Variants in SOX5 observed in about 807,000 individuals in gnomAD.
SOX5 encodes the protein transcription factor SOX-5.
A neutral mutation model predicts 92.0 loss-of-function variants in SOX5; 9 were observed. The observed-to-expected ratio is 0.10, with a 90% CI of 0.06 to 0.17. The LOEUF is 0.17. SOX5 is among the 10% of genes least tolerant of loss of function. The pLI, the probability that SOX5 is intolerant of heterozygous loss-of-function variation, is 1.00. For missense variants in SOX5, 642 were observed against 944.5 expected (o/e 0.68, Z 4.20); for synonymous variants, 344 against 336.3 (o/e 1.02, Z -0.25).
intron 9 of SOX5, among the ~76,000 whole-genome samples, chr12:23,596,379 C>T (rs1952451211): frequency 6.6e-6 from 1 of 152,144 alleles, no homozygotes; most frequent in Non-Finnish European, 1.5e-5. Flanking sequence ...TAATTGTTGT[C>T]ATTTTACAAA....
intron 1 of SOX5, among the ~76,000 whole-genome samples, chr12:23,900,363 A>G (rs1224695064): frequency 6.6e-6 from 1 of 152,128 alleles, no homozygotes; most frequent in Non-Finnish European, 1.5e-5. Flanking sequence ...GTCTTTTGCT[A>G]TTGGCTGAAG....
intron 1 of SOX5, among the ~76,000 whole-genome samples, chr12:24,554,323 G>C (rs1386559294): frequency 6.6e-6 from 1 of 152,176 alleles, no homozygotes; most frequent in African/African-American, 2.4e-5. Context: ...TTTAGTGAGA[G>C]GTGCCATCTA....
intron 6 of SOX5, among the ~76,000 whole-genome samples, chr12:23,682,155 T>C (rs944776060): frequency 2.0e-5 from 3 of 151,774 alleles, no homozygotes; most frequent in African/African-American, 7.2e-5. Context: ...CCACAGAACA[T>C]TTATAAAAAT....
intron 3 of SOX5, among the ~76,000 whole-genome samples, chr12:24,219,239 T>G (rs1463501219): frequency 6.6e-6 from 1 of 152,066 alleles, no homozygotes; most frequent in Non-Finnish European, 1.5e-5. Context: ...TAGTGTTTGG[T>G]AGCACAATAG....
chr12:24,261,407 T>C (rs989330810), intron 3 of SOX5, among the ~76,000 whole-genome samples: 2 of 152,190 alleles, frequency 1.3e-5, no homozygotes, highest in Non-Finnish European at 2.9e-5. Context: ...CCCACTCTCG[T>C]TAAAAGCATT....
At chr12:24,347,219 A>G (rs907696901) in intron 2 of SOX5, among the ~76,000 whole-genome samples, 1 of 152,218 alleles carries the variant, frequency 6.6e-6, no homozygotes, top group African/African-American at 2.4e-5. Flanking sequence ...GAATGAAGTG[A>G]TGTACAGGCA....
At chr12:23,653,145 T>C (rs998338618) in intron 7 of SOX5, among the ~76,000 whole-genome samples, 6 of 152,060 alleles carry the variant, frequency 3.9e-5, no homozygotes, top group African/African-American at 1.2e-4. Context: ...TCCTGCAGCA[T>C]ATGTCTAAAC....
chr12:23,631,354 AG>A (rs2078508080), intron 8 of SOX5, among the ~76,000 whole-genome samples: 1 of 152,124 alleles, frequency 6.6e-6, no homozygotes, highest in Non-Finnish European at 1.5e-5. Flanking sequence ...CAAATTTCTA[AG>A]ATAAACATAA....
At chr12:24,041,855 T>C (rs1175307880) in intron 4 of SOX5, among the ~76,000 whole-genome samples, 1 of 152,134 alleles carries the variant, frequency 6.6e-6, no homozygotes, top group Non-Finnish European at 1.5e-5. Flanking sequence ...GACAAACTAA[T>C]AAATTTGGTA....
chr12:24,538,057 G>A (rs1216891054), intron 1 of SOX5, among the ~76,000 whole-genome samples: 2 of 152,116 alleles, frequency 1.3e-5, no homozygotes, highest in African/African-American at 2.4e-5. Context: ...GAACATTAAC[G>A]GGAAGCAATA....
At chr12:24,499,967 A>C (rs1159001228) in intron 1 of SOX5, among the ~76,000 whole-genome samples, 3 of 152,138 alleles carry the variant, frequency 2.0e-5, no homozygotes, top group African/African-American at 7.2e-5. Flanking sequence ...AATGTGACTC[A>C]TCTCTTTGGA....
At chr12:24,496,519 C>A (rs1947652243) in intron 1 of SOX5, among the ~76,000 whole-genome samples, 1 of 152,186 alleles carries the variant, frequency 6.6e-6, no homozygotes, top group East Asian at 1.9e-4. Flanking sequence ...CTTACCCTAA[C>A]TTCGCAATTT....
At chr12:23,824,833 G>A (rs917403869) in intron 3 of SOX5, among the ~76,000 whole-genome samples, 4 of 152,164 alleles carry the variant, frequency 2.6e-5, no homozygotes, top group South Asian at 2.1e-4. Context: ...TAGCTTTGCC[G>A]AGCTGTGGTG....
chr12:23,728,668 C>T (rs1330299929), intron 6 of SOX5, among the ~76,000 whole-genome samples: 1 of 152,104 alleles, frequency 6.6e-6, no homozygotes, highest in Non-Finnish European at 1.5e-5. Flanking sequence ...CCCATGACTG[C>T]AACTTAATCA....
chr12:24,002,758 C>G (rs1404224346), intron 4 of SOX5, among the ~76,000 whole-genome samples: 1 of 152,058 alleles, frequency 6.6e-6, no homozygotes, highest in Non-Finnish European at 1.5e-5. Flanking sequence ...AGAGAGGAAA[C>G]AGTACCAGTT....
intron 3 of SOX5, among the ~76,000 whole-genome samples, chr12:23,813,139 T>C (rs1466100862): frequency 1.3e-5 from 2 of 152,172 alleles, no homozygotes; most frequent in African/African-American, 4.8e-5. Context: ...ACAACAATAA[T>C]TGTCACTCTA....
rs1951628280 is a variant in SOX5, at chr12:24,151,302, T to C, written c.-2+62041A>G. 2.0e-5 allele frequency among the ~76,000 whole-genome samples: 3 copies of C among 152,240 alleles called. No homozygotes were observed. The South Asian group carries it at 6.2e-4, about 32-fold the overall frequency. On this transcript the variant is annotated intron_variant, in intron 4 of 4. Coordinates refer to the SOX5 transcript ENST00000446891. ...TACTCTAATTTCCCTTTCCAAAGTT[T>C]TAGAAATATCTGCAAAGGTGTATGT...
intron 2 of SOX5, among the ~76,000 whole-genome samples, chr12:24,315,415 G>T (rs942592673): frequency 6.6e-6 from 1 of 151,772 alleles, no homozygotes; most frequent in Non-Finnish European, 1.5e-5. Flanking sequence ...AAACAAAAAG[G>T]GAAAAAATAC....
chr12:23,951,654 A>ACT (rs201176564), upstream of SOX5, among the ~76,000 whole-genome samples: 10 of 13,414 alleles, frequency 7.5e-4, no homozygotes, highest in Admixed American at 1.7e-3. Context: ...ATATATATAT[A>ACT]CACACACACA....
Sources: gnomAD v4.1 joint callset for allele counts (sites outside exome capture counted in the v4.1 genomes callset) on GRCh38, gnomAD v4.1.1 for gene constraint, MANE v1.5 for transcripts, NCBI Gene and HGNC (gene_info 2026-07-23, HGNC 2026-07-21) for gene names.